SERPINH1: variants seen among roughly 807,000 people sequenced by gnomAD.
The protein encoded by SERPINH1 is serpin family H member 1.
SERPINH1 carries 22 observed loss-of-function variants against 32.3 expected under a neutral mutation model. The observed-to-expected ratio is 0.68, with a 90% CI of 0.49 to 0.97. The LOEUF is 0.97. Ranked by LOEUF, SERPINH1 falls within the 50% of genes least tolerant of loss-of-function variation. The pLI is 0.00. For missense variants in SERPINH1, 543 were observed against 576.4 expected (o/e 0.94, Z 0.59); for synonymous variants, 251 against 245.9 (o/e 1.02, Z -0.19).
intron 4 of SERPINH1, among the ~76,000 whole-genome samples, chr11:75,570,992 C>A (rs1942186187): frequency 6.6e-6 from 1 of 152,066 alleles, no homozygotes; most frequent in African/African-American, 2.4e-5. Context: ...AGGGATGTGG[C>A]TGGAGGCTGC....
At chr11:75,570,516 G>A (rs577278080) in intron 4 of SERPINH1, among the ~76,000 whole-genome samples, 2 of 152,318 alleles carry the variant, frequency 1.3e-5, no homozygotes, top group East Asian at 1.9e-4. Context: ...CAGATATGGG[G>A]TAGATTGAGT....
At chr11:75,569,226 T>G (rs761707603) in intron 4 of SERPINH1, 55 bp downstream of exon 4, 34 of 1,321,306 alleles carry the variant, frequency 2.6e-5, no homozygotes, top group Non-Finnish European at 3.5e-5. Context: ...GGGGAGGTGC[T>G]TGGGGGACCC....
rs1235609513 is a variant in SERPINH1 at position 75,572,155 on chromosome 11, G to C, written c.*72G>C. 1.4e-6 allele frequency: 2 copies of C among 1,464,110 alleles called. No homozygotes were observed. Among genetic ancestry groups the C allele is most frequent in the South Asian group, 1.2e-5 (1 of 85,498 alleles). 90.7% of individuals were successfully genotyped at this position (1,464,110 alleles called of 1,614,324 possible). The stretch of plus-strand genomic sequence containing the variant: ...GAGACACATGGGTGCTATTGGGGTT[G>C]GGGGGGAGGTGAGGTACCAGCCTTG... On this transcript the variant is annotated 3_prime_UTR_variant, in exon 5 of 5. Coordinates refer to ENST00000358171, the MANE Select transcript of SERPINH1 (RefSeq NM_001235.5).
rs1207248840 is a variant in SERPINH1, at chr11:75,566,984, C to T, written c.622+13C>T. 6 of 1,582,968 alleles carry T rather than the reference C, an allele frequency of 3.8e-6. No individual in the cohort carries two copies. Among genetic ancestry groups the T allele is most frequent in the Non-Finnish European group, 5.1e-6 (6 of 1,169,738 alleles). ...ATGTTCTTCAAGCGTGAGTCGGGGG[C>T]GCGTTCAGGGGTCCTCCTCCTCCTC... On this transcript the variant is annotated intron_variant, in intron 2 of 4. Transcript: ENST00000358171.
intron 4 of SERPINH1, among the ~76,000 whole-genome samples, chr11:75,570,851 A>G (rs1942184326): frequency 6.6e-6 from 1 of 152,094 alleles, no homozygotes; most frequent in African/African-American, 2.4e-5. Context: ...GGGAGGCACC[A>G]CTCATCCTGT....
Position 75,566,901 on chromosome 11 carries a change from G to T in SERPINH1, c.552G>T (p.Lys184Asn), listed in dbSNP as rs1346453724. 6.2e-7 allele frequency: 1 copy of T among 1,608,458 alleles called. No individual in the cohort carries two copies. ...NEWAAQTTDG[K>N]LPEVTKDVER... The stretch of plus-strand genomic sequence containing the variant: ...GGGCCGCGCAGACCACCGACGGCAA[G>T]CTGCCCGAGGTCACCAAGGACGTGG... The change falls in exon 2 of 5, where the codon AAG becomes AAT. Residue 184 changes from lysine to asparagine, a missense_variant. Transcript: ENST00000358171.
intron 4 of SERPINH1, among the ~76,000 whole-genome samples, chr11:75,570,956 T>G (rs1338424508): frequency 6.6e-6 from 1 of 152,072 alleles, no homozygotes; most frequent in African/African-American, 2.4e-5. Context: ...TGTGAGGCTG[T>G]CTGGAGAGTG....
In SERPINH1 at chr11:75,566,654, T is replaced by A. The variant is rs377583721; in HGVS notation, c.305T>A (p.Leu102Gln). The A allele has an allele frequency of 2.8e-5, 45 of 1,607,664 alleles. No homozygotes were observed. The highest frequency in any genetic ancestry group is 3.8e-5 in the Non-Finnish European group (45 of 1,178,176). Residue 102 changes from leucine to glutamine, a missense_variant, in exon 2 of 5, where the codon CTG becomes CAG. Transcript: ENST00000358171. ...QAKAVLSAEQ[L>Q]RDEEVHAGLG... ...AAGGCAGTGCTGAGCGCCGAGCAGC[T>A]GCGCGACGAGGAGGTGCACGCCGGC... is the stretch of plus-strand genomic sequence containing the variant.
rs1942098705 is a variant in SERPINH1, at chr11:75,566,917, A to G, written c.568A>G (p.Lys190Glu). The change falls in exon 2 of 5, where the codon AAG (lysine) becomes GAG (glutamate). Residue 190 changes from lysine (K) to glutamate (E), a missense_variant. Physicochemically the swap from Lys to Glu is moderately conservative, Grantham distance 56. Around this residue, in one of 3 missense-constraint regions of SERPINH1, gnomAD observed 427 missense variants for 446.4 expected, o/e 0.96. Coordinates refer to ENST00000358171, the MANE Select transcript of SERPINH1 (RefSeq NM_001235.5). ...CGACGGCAAGCTGCCCGAGGTCACC[A>G]AGGACGTGGAGCGCACGGACGGCGC... The part of the protein sequence containing the change: ...TTDGKLPEVT[K>E]DVERTDGALL... 2 of 1,606,900 alleles carry G rather than the reference A, an allele frequency of 1.2e-6. No homozygotes were observed. Among genetic ancestry groups the G allele is most frequent in the Admixed American group, 1.7e-5 (1 of 59,994 alleles).
At chr11:75,565,371 T>C (rs555119744) in intron 1 of SERPINH1, among the ~76,000 whole-genome samples, 61 of 152,334 alleles carry the variant, frequency 4.0e-4, no homozygotes, top group African/African-American at 1.4e-3. Flanking sequence ...TATTGAGCTA[T>C]GTGTGACTCA....
At chr11:75,570,381 C>T (rs1942175545) in intron 4 of SERPINH1, among the ~76,000 whole-genome samples, 1 of 152,162 alleles carries the variant, frequency 6.6e-6, no homozygotes, top group Admixed American at 6.5e-5. Context: ...AGAGGGGTCA[C>T]TGTCTCTCTC....
chr11:75,566,905 C>T lies in SERPINH1; in HGVS notation c.556C>T (p.Pro186Ser). ...WAAQTTDGKL[P>S]EVTKDVERTD... ...CGCGCAGACCACCGACGGCAAGCTG[C>T]CCGAGGTCACCAAGGACGTGGAGCG... The change falls in exon 2 of 5, where the codon CCC (proline) becomes TCC (serine). Residue 186 changes from proline (P) to serine (S), a missense_variant. By Grantham distance (74) the Pro-to-Ser change is moderately conservative (BLOSUM62 -1). Around this residue, in one of 3 missense-constraint regions of SERPINH1, gnomAD observed 427 missense variants for 446.4 expected, o/e 0.96. Coordinates refer to ENST00000358171, the MANE Select transcript of SERPINH1 (RefSeq NM_001235.5). 1 of 1,608,050 alleles carries T rather than the reference C, an allele frequency of 6.2e-7. No individual in the cohort carries two copies.
chr11:75,571,273 T>G (rs974155576), intron 4 of SERPINH1, among the ~76,000 whole-genome samples: 1 of 152,138 alleles, frequency 6.6e-6, no homozygotes, highest in Non-Finnish European at 1.5e-5. Flanking sequence ...TGAAGCAAAT[T>G]CCAGGCATCC....
chr11:75,568,514 C>T, intron 2 of SERPINH1: 4 of 621,502 alleles, frequency 6.4e-6, no homozygotes, highest in South Asian at 1.8e-5. Flanking sequence ...CTGTAGGGAA[C>T]CGCATCCTCA....
chr11:75,563,950 G>A (rs950426372), intron 1 of SERPINH1, among the ~76,000 whole-genome samples: 3 of 152,226 alleles, frequency 2.0e-5, no homozygotes, highest in African/African-American at 7.2e-5. Flanking sequence ...GCATTTCTCT[G>A]TGGCAAGATG....
rs138784081 is a variant in SERPINH1 at position 75,566,914 on chromosome 11, A to G, written c.565A>G (p.Thr189Ala). 1.1e-4 allele frequency: 172 copies of G among 1,607,498 alleles called. 3 individuals are homozygous for G. In the African/African-American group the frequency reaches 1.9e-3, roughly 17 times the overall value. ...QTTDGKLPEVTKDVERTDGAL... is the reference protein window; with the variant it reads ...QTTDGKLPEVAKDVERTDGAL... ...CACCGACGGCAAGCTGCCCGAGGTCACCAAGGACGTGGAGCGCACGGACGG... is the reference window on the plus strand; with the variant it reads ...CACCGACGGCAAGCTGCCCGAGGTCGCCAAGGACGTGGAGCGCACGGACGG... The change falls in exon 2 of 5, where the codon ACC (threonine) becomes GCC (alanine). Residue 189 changes from threonine to alanine, a missense_variant. Around this residue, in one of 3 missense-constraint regions of SERPINH1, gnomAD observed 427 missense variants for 446.4 expected, o/e 0.96. Coordinates refer to ENST00000358171, the MANE Select transcript of SERPINH1 (RefSeq NM_001235.5).
chr11:75,566,357 C>T lies in SERPINH1; in HGVS notation c.8C>T (p.Ser3Phe), dbSNP rs763538958. 5.6e-6 allele frequency: 9 copies of T among 1,609,140 alleles called. No individual in the cohort carries two copies. Among genetic ancestry groups the T allele is most frequent in the South Asian group, 2.2e-5 (2 of 90,060 alleles). ...GCAAACCACTTCCTGGCCATGCGCT[C>T]CCTCCTGCTTCTCAGCGCCTTCTGC... MR[S>F]LLLLSAFCLL... Residue 3 changes from serine to phenylalanine, a missense_variant, in exon 2 of 5, where the codon TCC (serine) becomes TTC (phenylalanine). By Grantham distance (155) the Ser-to-Phe change is radical. Around this residue, in one of 3 missense-constraint regions of SERPINH1, gnomAD observed 109 missense variants for 102.4 expected, o/e 1.06. Coordinates refer to ENST00000358171, the MANE Select transcript of SERPINH1 (RefSeq NM_001235.5).
At chr11:75,566,199 C>G (rs1288103738) in intron 1 of SERPINH1, 117 bp from the exon 2 acceptor site, 4 of 881,852 alleles carry the variant, frequency 4.5e-6, no homozygotes, top group Non-Finnish European at 7.0e-6. Context: ...GATTCCTGGA[C>G]TGTGGGCTCT....
chr11:75,568,385 G>A, intron 2 of SERPINH1: 1 of 389,774 alleles, frequency 2.6e-6, no homozygotes, highest in Non-Finnish European at 4.9e-6. Context: ...AGGGTAGAAA[G>A]CCCACCTCAG....
Sources: allele counts gnomAD v4.1 joint callset (sites outside exome capture counted in the v4.1 genomes callset), GRCh38; gene constraint gnomAD v4.1.1; regional missense constraint gnomAD v4.1.1; transcripts MANE v1.5; gene names NCBI Gene and HGNC (gene_info 2026-07-23, HGNC 2026-07-21).